NREP: variants seen among roughly 807,000 people sequenced by gnomAD.
NREP encodes neuronal regeneration related protein.
NREP carries 5 observed loss-of-function variants against 8.6 expected under a neutral mutation model. The ratio of observed to expected loss-of-function variants is 0.58; its 90% CI spans 0.30 to 1.22. The LOEUF is 1.22. Ranked by LOEUF, NREP falls within the 50% of genes most tolerant of loss-of-function variation. NREP has a pLI of 0.07. For synonymous variants in NREP, 27 were observed against 28.0 expected (o/e 0.96, Z 0.11); for missense variants, 86 against 82.5 (o/e 1.04, Z -0.17).
At chr5:111,848,640 A>G (rs1405809473) in intron 2 of NREP, among the ~76,000 whole-genome samples, 9 of 152,066 alleles carry the variant, frequency 5.9e-5, no homozygotes. Context: ...ACGATAGACA[A>G]TTCCCCCCAA....
chr5:111,871,485 G>A (rs1053203172), intron 2 of NREP, among the ~76,000 whole-genome samples: 1 of 151,834 alleles, frequency 6.6e-6, no homozygotes, highest in Non-Finnish European at 1.5e-5. Context: ...GTAGACTTAG[G>A]CTACACTAAA....
chr5:111,844,730 T>C (rs1186178188), intron 2 of NREP, among the ~76,000 whole-genome samples: 2 of 148,484 alleles, frequency 1.3e-5, no homozygotes, highest in Non-Finnish European at 3.0e-5. Flanking sequence ...TATATTCTAT[T>C]GTTGCCTGAC....
rs114101281 is a variant in NREP, at chr5:111,826,386, C to G, written c.136-90879G>C. ...GCACTGTGGAAGTTTTGTTGTTTTG[C>G]TTTTGGCAATAAATCTGGCTGCTGC... On this transcript the variant is annotated intron_variant, in intron 2 of 3. Coordinates refer to the NREP transcript ENST00000395634. Among the ~76,000 whole-genome samples the G allele has an allele frequency of 4.7e-3, 718 of 152,266 alleles. 4 individuals are homozygous for G. The highest frequency in any genetic ancestry group is 0.017 in the African/African-American group (695 of 41,548).
chr5:111,865,967 G>C (rs1753654371), intron 2 of NREP, among the ~76,000 whole-genome samples: 1 of 152,070 alleles, frequency 6.6e-6, no homozygotes, highest in Non-Finnish European at 1.5e-5. Context: ...TAAAATACAC[G>C]ATGGGGACAC....
intron 2 of NREP, among the ~76,000 whole-genome samples, chr5:111,863,886 T>C (rs1226897637): frequency 6.6e-6 from 1 of 152,152 alleles, no homozygotes; most frequent in African/African-American, 2.4e-5. Context: ...TTGGACTTCC[T>C]CATACCTTGG....
intron 2 of NREP, among the ~76,000 whole-genome samples, chr5:111,789,360 G>A (rs938588886): frequency 3.9e-5 from 6 of 152,146 alleles, no homozygotes; most frequent in African/African-American, 1.4e-4. Context: ...GCATGCGGAA[G>A]TTTCCACTTA....
At chr5:111,926,268 G>A (rs1755381477) in intron 2 of NREP, among the ~76,000 whole-genome samples, 1 of 152,132 alleles carries the variant, frequency 6.6e-6, no homozygotes, top group Non-Finnish European at 1.5e-5. Flanking sequence ...TGCAGTTGGA[G>A]GAGGGAGCCC....
chr5:111,745,916 G>A (rs1253603888), intron 2 of NREP, among the ~76,000 whole-genome samples: 1 of 152,070 alleles, frequency 6.6e-6, no homozygotes, highest in Non-Finnish European at 1.5e-5. Flanking sequence ...TGGACAAATG[G>A]AAAGATGCAG....
intron 2 of NREP, among the ~76,000 whole-genome samples, chr5:111,974,942 A>G (rs1308241641): frequency 6.6e-6 from 1 of 152,178 alleles, no homozygotes; most frequent in Non-Finnish European, 1.5e-5. Context: ...GAGAACAAAG[A>G]CCACGTGAGT....
chr5:111,836,830 C>G (rs1752907848), intron 2 of NREP, among the ~76,000 whole-genome samples: 1 of 151,958 alleles, frequency 6.6e-6, no homozygotes, highest in Non-Finnish European at 1.5e-5. Context: ...AAGGGTGTCC[C>G]GTGTTTTAAC....
intron 2 of NREP, among the ~76,000 whole-genome samples, chr5:111,911,000 T>C (rs572670503): frequency 2.0e-5 from 3 of 152,124 alleles, no homozygotes; most frequent in African/African-American, 7.2e-5. Context: ...GGATACTGTT[T>C]GAGCACCACC....
chr5:111,795,227 C>T, intron 2 of NREP, among the ~76,000 whole-genome samples: 1 of 152,136 alleles, frequency 6.6e-6, no homozygotes. Context: ...GATGCAAACA[C>T]AAGAATAAAT....
At chr5:111,905,244 C>G (rs1754753233) in intron 2 of NREP, among the ~76,000 whole-genome samples, 2 of 152,138 alleles carry the variant, frequency 1.3e-5, no homozygotes, top group South Asian at 4.1e-4. Flanking sequence ...AGGAGGGCAG[C>G]TGGTAGATCA....
intron 2 of NREP, among the ~76,000 whole-genome samples, chr5:111,912,105 A>G (rs370501176): frequency 3.3e-5 from 5 of 152,096 alleles, no homozygotes; most frequent in African/African-American, 1.2e-4. Flanking sequence ...AGAATATCTA[A>G]TATTTAAATT....
At chr5:111,780,425 G>A (rs1751465310) in intron 2 of NREP, among the ~76,000 whole-genome samples, 1 of 152,136 alleles carries the variant, frequency 6.6e-6, no homozygotes, top group South Asian at 2.1e-4. Context: ...GAAAGCTCTG[G>A]AACACAGGAA....
intron 2 of NREP, among the ~76,000 whole-genome samples, chr5:111,875,297 TAGAAAA>T (rs959728346): frequency 3.3e-5 from 5 of 151,862 alleles, no homozygotes; most frequent in Admixed American, 1.3e-4. Context: ...CTGAGGCAAA[TAGAAAA>T]AGAAAAAGAT....
chr5:111,947,491 TA>T (rs1160481445), intron 2 of NREP, among the ~76,000 whole-genome samples: 1 of 151,992 alleles, frequency 6.6e-6, no homozygotes, highest in Non-Finnish European at 1.5e-5. Flanking sequence ...GCAATTATAA[TA>T]GATACCATTT....
intron 2 of NREP, among the ~76,000 whole-genome samples, chr5:111,915,841 G>A (rs1186048638): frequency 6.6e-6 from 1 of 151,954 alleles, no homozygotes; most frequent in Non-Finnish European, 1.5e-5. Flanking sequence ...TGATTTCACG[G>A]CCTGTTCATT....
intron 2 of NREP, among the ~76,000 whole-genome samples, chr5:111,827,642 G>C (rs1752660155): frequency 6.6e-6 from 1 of 152,156 alleles, no homozygotes; most frequent in South Asian, 2.1e-4. Flanking sequence ...AGAAATTCGA[G>C]ACCAGCCTGG....
Sources: gnomAD v4.1 joint callset for allele counts (sites outside exome capture counted in the v4.1 genomes callset) on GRCh38, gnomAD v4.1.1 for gene constraint, MANE v1.5 for transcripts, NCBI Gene and HGNC (gene_info 2026-07-23, HGNC 2026-07-21) for gene names.